The following LMBR1 variants were observed in gnomAD, a reference collection of about 807,000 sequenced individuals.
LMBR1 encodes the protein limb development membrane protein 1.
Under a neutral mutation model 73.9 loss-of-function variants are expected in LMBR1, and 52 were observed. The observed-to-expected ratio is 0.70, with a 90% confidence interval of 0.56 to 0.89. LMBR1 has a LOEUF of 0.89. LMBR1 is among the 40% of genes least tolerant of loss of function. The pLI is 0.00. For synonymous variants in LMBR1, 215 were observed against 209.4 expected (o/e 1.03, Z -0.23); for missense variants, 539 against 579.8 (o/e 0.93, Z 0.72).
intron 1 of LMBR1, among the ~76,000 whole-genome samples, chr7:156,861,671 G>A (rs1797738031): frequency 6.6e-6 from 1 of 152,146 alleles, no homozygotes; most frequent in African/African-American, 2.4e-5. Flanking sequence ...CAGCACCCAA[G>A]TTACCTCTGG....
intron 1 of LMBR1, among the ~76,000 whole-genome samples, chr7:156,847,268 T>C (rs1023827200): frequency 6.6e-6 from 1 of 152,124 alleles, no homozygotes; most frequent in Admixed American, 6.5e-5. Flanking sequence ...CCTTATACAC[T>C]TCACAACAAT....
At chr7:156,753,338 G>C (rs1396062963) in intron 9 of LMBR1, among the ~76,000 whole-genome samples, 1 of 152,082 alleles carries the variant, frequency 6.6e-6, no homozygotes, top group African/African-American at 2.4e-5. Context: ...CTAGGTCATG[G>C]TCTGATGACA....
At chr7:156,721,955 C>T (rs1814674996) in intron 15 of LMBR1, among the ~76,000 whole-genome samples, 1 of 151,824 alleles carries the variant, frequency 6.6e-6, no homozygotes, top group Non-Finnish European at 1.5e-5. Context: ...TAATAGTGGG[C>T]AAATGTTTAA....
At chr7:156,690,064 G>A (rs1348396102) in intron 15 of LMBR1, among the ~76,000 whole-genome samples, 5 of 152,152 alleles carry the variant, frequency 3.3e-5, no homozygotes, top group Admixed American at 6.5e-5. Context: ...TACACAGCAC[G>A]AAGTTCACTG....
chr7:156,783,789 C>T (rs1200143512), intron 5 of LMBR1, among the ~76,000 whole-genome samples: 1 of 152,154 alleles, frequency 6.6e-6, no homozygotes, highest in African/African-American at 2.4e-5. Flanking sequence ...CCCTTCTAGA[C>T]ACTGCTCTTA....
At chr7:156,810,211 C>G (rs1294491527) in intron 4 of LMBR1, among the ~76,000 whole-genome samples, 1 of 152,120 alleles carries the variant, frequency 6.6e-6, no homozygotes, top group Admixed American at 6.5e-5. Context: ...ATGCAGAGAT[C>G]ACAGGAGAAG....
intron 1 of LMBR1, among the ~76,000 whole-genome samples, chr7:156,889,087 A>G (rs780048968): frequency 2.0e-4 from 31 of 152,112 alleles, no homozygotes; most frequent in Non-Finnish European, 4.4e-5. Flanking sequence ...AAATTTTGAC[A>G]CATGCTACAA....
intron 15 of LMBR1, among the ~76,000 whole-genome samples, chr7:156,713,746 C>T (rs1406537674): frequency 6.6e-6 from 1 of 152,126 alleles, no homozygotes; most frequent in Non-Finnish European, 1.5e-5. Context: ...TCACTTTAAA[C>T]ATGTGCAGTT....
intron 4 of LMBR1, among the ~76,000 whole-genome samples, chr7:156,802,062 A>G (rs1410180489): frequency 6.6e-6 from 1 of 151,928 alleles, no homozygotes; most frequent in Non-Finnish European, 1.5e-5. Flanking sequence ...GGCTCACCGC[A>G]ATCTCCGCCT....
chr7:156,780,484 T>A (rs17837695), intron 5 of LMBR1, among the ~76,000 whole-genome samples: 1 of 152,152 alleles, frequency 6.6e-6, no homozygotes, highest in African/African-American at 2.4e-5. Context: ...TAACTAGATA[T>A]CAAAATTTTT....
intron 5 of LMBR1, among the ~76,000 whole-genome samples, chr7:156,788,872 A>AC (rs755544245): frequency 1.3e-5 from 2 of 152,032 alleles, no homozygotes; most frequent in African/African-American, 2.4e-5. Flanking sequence ...ACATGGTGAA[A>AC]CCTCGTCTCT....
intron 15 of LMBR1, among the ~76,000 whole-genome samples, chr7:156,708,713 A>G (rs1230299574): frequency 1.3e-5 from 2 of 152,220 alleles, no homozygotes; most frequent in East Asian, 3.8e-4. Flanking sequence ...ACTGCTGCAG[A>G]TAAGAGCACA....
At chr7:156,738,648 T>C (rs1469898073) in intron 9 of LMBR1, among the ~76,000 whole-genome samples, 1 of 152,132 alleles carries the variant, frequency 6.6e-6, no homozygotes, top group East Asian at 1.9e-4. Context: ...TACAATAGGG[T>C]ACTGGGCACA....
In LMBR1 at chr7:156,683,851, A is replaced by C; in HGVS notation, c.*227T>G. ...AGAATGCGCTGTTCTATATGTCTGTAAGGAATCTGCACTTAACTGGAAACT... is the reference window on the plus strand; with the variant it reads ...AGAATGCGCTGTTCTATATGTCTGTCAGGAATCTGCACTTAACTGGAAACT... On this transcript the variant is annotated 3_prime_UTR_variant, in exon 17 of 17. Transcript: ENST00000353442. 2.0e-6 allele frequency: 1 copy of C among 489,112 alleles called. No individual in the cohort carries two copies. Among genetic ancestry groups the C allele is most frequent in the South Asian group, 3.6e-5 (1 of 28,104 alleles). 30.3% of individuals were successfully genotyped at this position (489,112 alleles called of 1,614,324 possible).
chr7:156,798,389 T>G (rs1445336392), intron 4 of LMBR1, among the ~76,000 whole-genome samples: 1 of 152,226 alleles, frequency 6.6e-6, no homozygotes, highest in Admixed American at 6.5e-5. Context: ...CCTTTCATCT[T>G]CTTTCTACCA....
chr7:156,844,154 G>A lies in LMBR1; in HGVS notation c.67-7269C>T, dbSNP rs537654614. Among the ~76,000 whole-genome samples the A allele has an allele frequency of 2.2e-3, 336 of 151,774 alleles. 1 individual carries two copies. The highest frequency in any genetic ancestry group is 7.3e-3 in the African/African-American group (302 of 41,412). ...AGCCTGGCCAACATGGAGAAACCCC[G>A]TCTCTACAAAAAATACAAAAATTAG... On this transcript the variant is annotated intron_variant, in intron 1 of 16. Transcript: ENST00000353442.
rs142027736 is a variant in LMBR1 at position 156,787,054 on chromosome 7, C to T, written c.423+9335G>A. Among the ~76,000 whole-genome samples, 16 of 152,202 alleles carry T rather than the reference C, an allele frequency of 1.1e-4. No individual in the cohort carries two copies. The East Asian group carries it at 2.9e-3, about 28-fold the overall frequency. On this transcript the variant is annotated intron_variant, in intron 5 of 16. Transcript: ENST00000353442. ...GGAAGTCAGCGCCTACAGATGAGCT[C>T]GCAGGGGAGACTTTCTTCTGCCCAG...
intron 5 of LMBR1, among the ~76,000 whole-genome samples, chr7:156,788,652 A>G (rs916239343): frequency 6.6e-6 from 1 of 152,106 alleles, no homozygotes; most frequent in Non-Finnish European, 1.5e-5. Context: ...ATAAATATAT[A>G]ATATTGATTT....
intron 15 of LMBR1, among the ~76,000 whole-genome samples, chr7:156,714,302 AC>A (rs1812728699): frequency 6.6e-6 from 1 of 152,222 alleles, no homozygotes; most frequent in Admixed American, 6.5e-5. Context: ...CACGGGAGAT[AC>A]CTCATGGCAA....
Sources: gnomAD v4.1 joint callset for allele counts (sites outside exome capture counted in the v4.1 genomes callset) on GRCh38, gnomAD v4.1.1 for gene constraint, MANE v1.5 for transcripts, NCBI Gene and HGNC (gene_info 2026-07-23, HGNC 2026-07-21) for gene names.